ABCC4: variants seen among roughly 807,000 people sequenced by gnomAD.
ABCC4 encodes the protein ATP-binding cassette sub-family C member 4.
In ABCC4, 102 loss-of-function variants were observed where a neutral mutation model predicts 168.5. The ratio of observed to expected loss-of-function variants is 0.61; its 90% CI spans 0.52 to 0.71. The LOEUF (loss-of-function observed/expected upper bound fraction) is 0.71, where lower values mean the gene tolerates loss of function less well. ABCC4 is among the 30% of genes least tolerant of loss of function. The pLI, the probability that ABCC4 is intolerant of heterozygous loss-of-function variation, is 0.00. For missense variants in ABCC4, 1,402 were observed against 1,605.8 expected, an observed-to-expected ratio of 0.87 and a Z score of 2.17; for synonymous variants, 617 against 590.7, an observed-to-expected ratio of 1.04 and a Z score of -0.65.
chr13:95,148,290 GT>G (rs1166612053), intron 19 of ABCC4, among the ~76,000 whole-genome samples: 1 of 152,116 alleles, frequency 6.6e-6, no homozygotes, highest in Non-Finnish European at 1.5e-5. Context: ...AGCAGAAAGA[GT>G]TTAAGTAATT....
At chr13:95,164,040 CAA>C (rs764381643) in intron 16 of ABCC4, among the ~76,000 whole-genome samples, 11 of 74,716 alleles carry the variant, frequency 1.5e-4, no homozygotes, top group Non-Finnish European at 2.1e-4. Flanking sequence ...AACTCCATCT[CAA>C]AAAAAAAAAA....
chr13:95,196,651 AG>A (rs1223496943), intron 8 of ABCC4, among the ~76,000 whole-genome samples: 15 of 31,696 alleles, frequency 4.7e-4, no homozygotes, highest in East Asian at 2.3e-3. Flanking sequence ...GAAGGAAGGA[AG>A]GAAGGAAGGA....
chr13:95,067,014 C>A (rs1439486930), intron 25 of ABCC4, among the ~76,000 whole-genome samples: 1 of 152,182 alleles, frequency 6.6e-6, no homozygotes, highest in Non-Finnish European at 1.5e-5. Flanking sequence ...AGAACTGGCA[C>A]CCACAGAAGA....
intron 4 of ABCC4, among the ~76,000 whole-genome samples, chr13:95,211,751 T>C (rs1374077847): frequency 4.6e-5 from 7 of 151,884 alleles, no homozygotes; most frequent in Admixed American, 6.6e-5. Flanking sequence ...GTAGAAGCAA[T>C]TGGCCAGGAG....
At chr13:95,285,887 T>C (rs969111303) in intron 1 of ABCC4, among the ~76,000 whole-genome samples, 15 of 152,090 alleles carry the variant, frequency 9.9e-5, no homozygotes, top group Admixed American at 7.2e-4. Flanking sequence ...AAGCCTGCAG[T>C]GTATTGACTG....
intron 27 of ABCC4, among the ~76,000 whole-genome samples, chr13:95,050,272 A>T (rs1487264559): frequency 6.6e-6 from 1 of 152,230 alleles, no homozygotes; most frequent in African/African-American, 2.4e-5. Context: ...AGAATTCCTG[A>T]CCTATCAGAA....
chr13:95,097,698 T>C (rs1477561425), intron 20 of ABCC4, among the ~76,000 whole-genome samples: 2 of 137,152 alleles, frequency 1.5e-5, no homozygotes, highest in African/African-American at 5.6e-5. Flanking sequence ...AGGTTAGAAA[T>C]ATTACAGAAT....
intron 19 of ABCC4, among the ~76,000 whole-genome samples, chr13:95,150,401 A>G (rs1267355324): frequency 6.6e-6 from 1 of 152,198 alleles, no homozygotes; most frequent in African/African-American, 2.4e-5. Context: ...GCAAATGCAA[A>G]CAAGACATGA....
rs2038797097 is a variant in ABCC4, at chr13:95,206,839, A to ACG, written c.912-60_912-59dup. The ACG allele has an allele frequency of 1.9e-6, 3 of 1,579,572 alleles. No individual in the cohort carries two copies. In the African/African-American group the frequency reaches 4.0e-5, roughly 21 times the overall value. On this transcript the variant is annotated intron_variant, in intron 7 of 30. Transcript: ENST00000645237. ...TGATGTCAACCAGATAAAGTGGCTC[A>ACG]CGCCTGCAATCTCAGCACTTTGGGA... is the stretch of plus-strand genomic sequence containing the variant.
At chr13:95,103,044 A>C (rs974326473) in intron 20 of ABCC4, among the ~76,000 whole-genome samples, 1 of 151,438 alleles carries the variant, frequency 6.6e-6, no homozygotes, top group Non-Finnish European at 1.5e-5. Context: ...AGGTGGGTGG[A>C]TCACGAGGTC....
rs4148548 is a variant in ABCC4 at position 95,022,386 on chromosome 13, T to G, written c.3871-704A>C. 7.2e-3 allele frequency among the ~76,000 whole-genome samples: 1,098 copies of G among 152,328 alleles called. 66 individuals carry two copies. The South Asian group carries it at 0.14, about 20-fold the overall frequency. On this transcript the variant is annotated intron_variant, in intron 30 of 30. Transcript: ENST00000645237. Reference sequence around the variant, plus strand: ...CAATTTCTAGCTGAACTAGAAGAGATACAGGTTTTCTGATAAACGTATAAT... The same window carrying G: ...CAATTTCTAGCTGAACTAGAAGAGAGACAGGTTTTCTGATAAACGTATAAT...
intron 30 of ABCC4, among the ~76,000 whole-genome samples, chr13:95,031,498 A>G (rs1200082754): frequency 6.6e-6 from 1 of 152,236 alleles, no homozygotes; most frequent in African/African-American, 2.4e-5. Context: ...ATCCTCATCA[A>G]TACAGTAAGA....
rs200720930 is a variant in ABCC4, at chr13:95,109,013, T to TA, written c.2535+6908dup. 9.8e-3 allele frequency among the ~76,000 whole-genome samples: 1,491 copies of TA among 151,954 alleles called. 10 individuals are homozygous for TA. Among genetic ancestry groups the TA allele is most frequent in the Non-Finnish European group, 0.015 (1,011 of 68,010 alleles). On this transcript the variant is annotated intron_variant, in intron 20 of 30. Transcript: ENST00000645237. ...TGAACACACTAGACCTATACTAACT[T>TA]AGATTATTTATGTTTATTGGTCTGT...
chr13:95,277,865 G>A (rs751530579), intron 1 of ABCC4, among the ~76,000 whole-genome samples: 9 of 152,258 alleles, frequency 5.9e-5, no homozygotes, highest in Admixed American at 3.9e-4. Flanking sequence ...AGAGGGTGGC[G>A]GGGCTTCAGG....
At chr13:95,046,917 A>G (rs1354993878) in intron 27 of ABCC4, among the ~76,000 whole-genome samples, 1 of 152,196 alleles carries the variant, frequency 6.6e-6, no homozygotes, top group East Asian at 1.9e-4. Flanking sequence ...ATATTAAACA[A>G]TGGTATTACA....
intron 4 of ABCC4, among the ~76,000 whole-genome samples, chr13:95,225,088 T>G (rs1382117533): frequency 6.6e-6 from 1 of 151,716 alleles, no homozygotes; most frequent in Non-Finnish European, 1.5e-5. Context: ...CCGGAGATTT[T>G]AACTTCTCTC....
At chr13:95,115,840 C>T in intron 20 of ABCC4, 82 bp downstream of exon 20, 1 of 1,155,936 alleles carries the variant, frequency 8.7e-7, no homozygotes. Flanking sequence ...GAGAGTCCCA[C>T]CCCCAGACCC....
At chr13:95,296,168 AC>A (rs2041527817) in intron 1 of ABCC4, among the ~76,000 whole-genome samples, 4 of 101,092 alleles carry the variant, frequency 4.0e-5, no homozygotes, top group African/African-American at 1.2e-4. Flanking sequence ...ACACACACAC[AC>A]ACACACACAC....
intron 20 of ABCC4, among the ~76,000 whole-genome samples, chr13:95,113,585 A>AAAAAT (rs2035276524): frequency 1.3e-5 from 2 of 151,244 alleles, no homozygotes; most frequent in Non-Finnish European, 3.0e-5. Flanking sequence ...AAAAAAAAAA[A>AAAAAT]TTACATTTAG....
Sources: allele counts gnomAD v4.1 joint callset (sites outside exome capture counted in the v4.1 genomes callset), GRCh38; gene constraint gnomAD v4.1.1; transcripts MANE v1.5; gene names NCBI Gene and HGNC (gene_info 2026-07-23, HGNC 2026-07-21).